The following PVT1 variants were observed in gnomAD, a reference collection of about 807,000 sequenced individuals.
PVT1 encodes CXCR4/PVT1 fusion.
At chr8:127,891,294 G>A (rs1415105923) in intron 3 of PVT1, among the ~76,000 whole-genome samples, 1 of 152,182 alleles carries the variant, frequency 6.6e-6, no homozygotes, top group Non-Finnish European at 1.5e-5. Flanking sequence ...GTGGCATTTG[G>A]CACAGTCTCT....
At chr8:128,091,630 A>G (rs1311003513) in intron 5 of PVT1, among the ~76,000 whole-genome samples, 1 of 152,236 alleles carries the variant, frequency 6.6e-6, no homozygotes, top group African/African-American at 2.4e-5. Flanking sequence ...GTGACAAAGA[A>G]AACAGCTGGG....
At chr8:128,075,647 C>T (rs971434555) in intron 5 of PVT1, among the ~76,000 whole-genome samples, 11 of 152,108 alleles carry the variant, frequency 7.2e-5, no homozygotes, top group Non-Finnish European at 2.9e-5. Flanking sequence ...TAAGTGTATA[C>T]GCATGCACAT....
chr8:127,813,294 A>G (rs1364291563), intron 2 of PVT1, among the ~76,000 whole-genome samples: 1 of 149,312 alleles, frequency 6.7e-6, no homozygotes, highest in African/African-American at 2.5e-5. Flanking sequence ...TATAGATGTC[A>G]TGGTGATGGG....
At position 127,833,601 on chromosome 8, in the gene PVT1, A is replaced by C. The variant is rs575183836; in HGVS notation, n.372+37530A>C. ...CCCGAGTAGTTGGGACTACAGGTGC[A>C]TGCTATGATGCCCAGCTAATTTTTG... On this transcript the variant is annotated intron_variant and non_coding_transcript_variant, in intron 2 of 10. Coordinates refer to ENST00000651587, the Ensembl canonical transcript of PVT1. 4.2e-4 allele frequency among the ~76,000 whole-genome samples: 64 copies of C among 152,212 alleles called. 2 individuals are homozygous for C. Among genetic ancestry groups the C allele is most frequent in the Admixed American group, 3.7e-3 (57 of 15,282 alleles).
intron 3 of PVT1, among the ~76,000 whole-genome samples, chr8:127,904,256 G>C (rs1367242912): frequency 1.3e-5 from 2 of 152,236 alleles, no homozygotes. Flanking sequence ...TCACTTGTGA[G>C]AGTGGGGGTC....
intron 5 of PVT1, among the ~76,000 whole-genome samples, chr8:128,092,842 A>AGT (rs1814377217): frequency 6.6e-6 from 1 of 152,024 alleles, no homozygotes; most frequent in Non-Finnish European, 1.5e-5. Context: ...GCACCAACCT[A>AGT]AATACTTTTG....
At chr8:128,028,446 CCT>C (rs1313679221) in intron 4 of PVT1, among the ~76,000 whole-genome samples, 1 of 152,244 alleles carries the variant, frequency 6.6e-6, no homozygotes, top group East Asian at 1.9e-4. Context: ...CATCCCACAG[CCT>C]CTGTCTCCAC....
At chr8:128,094,615 A>G (rs894755329) in intron 5 of PVT1, among the ~76,000 whole-genome samples, 23 of 152,268 alleles carry the variant, frequency 1.5e-4, no homozygotes, top group African/African-American at 5.5e-4. Flanking sequence ...AATGATGAAT[A>G]CCTACCCATC....
chr8:127,796,792 C>G (rs1156568928), intron 2 of PVT1, among the ~76,000 whole-genome samples: 2 of 151,988 alleles, frequency 1.3e-5, no homozygotes, highest in Non-Finnish European at 1.5e-5. Flanking sequence ...TATCAGGTGG[C>G]CCTTCTGGAT....
At chr8:127,894,964 A>T (rs2129811985) in intron 3 of PVT1, among the ~76,000 whole-genome samples, 1 of 152,302 alleles carries the variant, frequency 6.6e-6, no homozygotes, top group South Asian at 2.1e-4. Context: ...GGATCCCAGA[A>T]CGATAGCACT....
chr8:128,035,725 T>G (rs1813454322), intron 4 of PVT1, among the ~76,000 whole-genome samples: 1 of 152,152 alleles, frequency 6.6e-6, no homozygotes, highest in Admixed American at 6.5e-5. Flanking sequence ...CAATCACAAA[T>G]AGTTACTTAT....
At chr8:128,037,034 C>T (rs767997224) in intron 4 of PVT1, among the ~76,000 whole-genome samples, 6 of 152,214 alleles carry the variant, frequency 3.9e-5, no homozygotes, top group Non-Finnish European at 8.8e-5. Context: ...CAAATAGCTG[C>T]CTGGGCCCCT....
At chr8:127,978,779 C>T (rs1314460338) in intron 3 of PVT1, among the ~76,000 whole-genome samples, 1 of 152,048 alleles carries the variant, frequency 6.6e-6, no homozygotes, top group Admixed American at 6.5e-5. Flanking sequence ...AATCACCGCA[C>T]CCGGACCATT....
In PVT1 at chr8:127,874,903, GGTGTGTGTGTGT is replaced by G. The variant is rs112419227; in HGVS notation, n.373-15664_373-15653del. On this transcript the variant is annotated intron_variant and non_coding_transcript_variant, in intron 2 of 10. Transcript: ENST00000651587. Reference sequence around the variant, plus strand: ...GCTCTGCAGTCTTGGTTGGCCTCCAGGTGTGTGTGTGTGTGTGTGTGTGTGTGTGTGTGGGTG... The same window carrying G: ...GCTCTGCAGTCTTGGTTGGCCTCCAGGTGTGTGTGTGTGTGTGTGTGGGTG... Among the ~76,000 whole-genome samples the G allele has an allele frequency of 5.6e-4, 82 of 145,816 alleles. No homozygotes were observed. The East Asian group carries it at 0.015, about 27-fold the overall frequency.
At chr8:127,965,062 A>G (rs1027181007) in intron 3 of PVT1, among the ~76,000 whole-genome samples, 2 of 152,190 alleles carry the variant, frequency 1.3e-5, no homozygotes, top group African/African-American at 4.8e-5. Flanking sequence ...TGAAGACAGC[A>G]TTCAACCCAC....
rs34469533 is a variant in PVT1 at position 127,908,348 on chromosome 8, C to CTT, written n.782+17360_782+17361dup. ...CTTTTTTTTTCTTTTTTCTTTCTTT[C>CTT]TTTTTTTTTTTGAGATGGAATCTTG... On this transcript the variant is annotated intron_variant and non_coding_transcript_variant, in intron 3 of 10. Transcript: ENST00000651587. Among the ~76,000 whole-genome samples, 94 of 141,096 alleles carry CTT rather than the reference C, an allele frequency of 6.7e-4. 1 individual carries two copies. Among genetic ancestry groups the CTT allele is most frequent in the South Asian group, 4.6e-3 (20 of 4,330 alleles). 92.6% of individuals were successfully genotyped at this position (141,096 alleles called of 152,430 possible). A position where few individuals can be genotyped will look rare whatever the true frequency, so the allele number is the denominator to read the frequency against.
intron 3 of PVT1, chr8:127,984,197 G>A (rs1816916971): frequency 6.6e-6 from 1 of 152,138 alleles, no homozygotes; most frequent in Admixed American, 6.6e-5. Flanking sequence ...CATTTTTGAA[G>A]AGTCCAGGTA....
intron 2 of PVT1, among the ~76,000 whole-genome samples, chr8:127,860,591 C>A (rs541502439): frequency 6.6e-6 from 1 of 151,688 alleles, no homozygotes; most frequent in African/African-American, 2.4e-5. Flanking sequence ...GGTGAAACCC[C>A]GTCTCTACTA....
At chr8:128,039,269 A>C (rs1813504181) in intron 4 of PVT1, among the ~76,000 whole-genome samples, 1 of 151,750 alleles carries the variant, frequency 6.6e-6, no homozygotes, top group African/African-American at 2.4e-5. Context: ...CCCTCCTCCC[A>C]CCTTTCCTTA....
Sources: allele counts gnomAD v4.1 joint callset (sites outside exome capture counted in the v4.1 genomes callset), GRCh38; gene constraint gnomAD v4.1.1; transcripts MANE v1.5; gene names NCBI Gene and HGNC (gene_info 2026-07-23, HGNC 2026-07-21).